LDLRAD4: variants seen among roughly 807,000 people sequenced by gnomAD.
LDLRAD4 encodes low density lipoprotein receptor class A domain containing 4.
LDLRAD4 carries 5 observed loss-of-function variants against 17.0 expected under a neutral mutation model. That is an observed-to-expected ratio of 0.29 (90% CI 0.15 to 0.62). The LOEUF (loss-of-function observed/expected upper bound fraction) is 0.62, where lower values mean the gene tolerates loss of function less well. LDLRAD4 is among the 20% of genes least tolerant of loss of function. LDLRAD4 has a pLI of 0.84. For synonymous variants in LDLRAD4, 168 were observed against 171.8 expected (o/e 0.98, Z 0.17); for missense variants, 340 against 424.7 (o/e 0.80, Z 1.75).
intron 3 of LDLRAD4, among the ~76,000 whole-genome samples, chr18:13,451,054 T>C (rs978149337): frequency 6.6e-6 from 1 of 152,134 alleles, no homozygotes; most frequent in Non-Finnish European, 1.5e-5. Flanking sequence ...CGGAAGGTCC[T>C]TAGAGATGGC....
intron 2 of LDLRAD4, among the ~76,000 whole-genome samples, chr18:13,424,631 C>T (rs1165033605): frequency 6.6e-6 from 1 of 152,106 alleles, no homozygotes; most frequent in African/African-American, 2.4e-5. Context: ...TACTCAGTTC[C>T]TGGATGGGGA....
At chr18:13,510,356 G>A (rs1411312082) in intron 3 of LDLRAD4, among the ~76,000 whole-genome samples, 1 of 152,030 alleles carries the variant, frequency 6.6e-6, no homozygotes, top group African/African-American at 2.4e-5. Context: ...AGCCTCCTGG[G>A]GCCTCAGTTT....
chr18:13,343,830 C>T (rs1473820317), intron 1 of LDLRAD4, among the ~76,000 whole-genome samples: 1 of 152,160 alleles, frequency 6.6e-6, no homozygotes, highest in Non-Finnish European at 1.5e-5. Context: ...TCTCTGATGG[C>T]CAGTGATGAT....
intron 1 of LDLRAD4, among the ~76,000 whole-genome samples, chr18:13,242,967 C>T (rs2042739664): frequency 6.6e-6 from 1 of 152,168 alleles, no homozygotes; most frequent in Non-Finnish European, 1.5e-5. Flanking sequence ...GCTGGGTGCT[C>T]TTCTCCCTGC....
intron 1 of LDLRAD4, among the ~76,000 whole-genome samples, chr18:13,287,950 G>A (rs1053697295): frequency 2.0e-5 from 3 of 152,192 alleles, no homozygotes; most frequent in Admixed American, 1.3e-4. Flanking sequence ...TTAGTAATTT[G>A]GGTGTTTAGG....
At chr18:13,470,091 C>A (rs548297055) in intron 3 of LDLRAD4, among the ~76,000 whole-genome samples, 43 of 152,168 alleles carry the variant, frequency 2.8e-4, no homozygotes, top group Non-Finnish European at 5.4e-4. Flanking sequence ...GTCTGTGGAT[C>A]AGAAATGATG....
chr18:13,611,942 G>C (rs942496674), intron 3 of LDLRAD4: 4 of 985,330 alleles, frequency 4.1e-6, no homozygotes, highest in Non-Finnish European at 4.8e-6. Flanking sequence ...CCGCAGCCTG[G>C]CTCGCAGCCT....
intron 1 of LDLRAD4, among the ~76,000 whole-genome samples, chr18:13,332,553 C>T (rs1330799444): frequency 6.6e-6 from 1 of 152,176 alleles, no homozygotes. Context: ...CTGTGCCTCA[C>T]CTGTTCATCT....
At chr18:13,248,034 C>T (rs62097308) in intron 1 of LDLRAD4, among the ~76,000 whole-genome samples, 18 of 148,634 alleles carry the variant, frequency 1.2e-4, no homozygotes, top group African/African-American at 4.3e-4. Context: ...GATCTTGGCT[C>T]ACTGCAACCT....
chr18:13,509,457 C>G (rs998300262), intron 3 of LDLRAD4, among the ~76,000 whole-genome samples: 1 of 152,120 alleles, frequency 6.6e-6, no homozygotes, highest in Non-Finnish European at 1.5e-5. Flanking sequence ...AGAAGTGGAG[C>G]CTGAAGATGT....
intron 3 of LDLRAD4, chr18:13,615,086 G>A (rs183227690): frequency 6.6e-6 from 1 of 152,532 alleles, no homozygotes; most frequent in African/African-American, 2.4e-5. Flanking sequence ...CAGCACGTAG[G>A]GGAGTGAGGT....
At chr18:13,605,456 A>G (rs928081858) in intron 3 of LDLRAD4, among the ~76,000 whole-genome samples, 6 of 152,224 alleles carry the variant, frequency 3.9e-5, no homozygotes, top group African/African-American at 1.4e-4. Flanking sequence ...GGCCTCAAGC[A>G]GTCCTCCTAT....
At chr18:13,623,861 C>T (rs962869333) in intron 4 of LDLRAD4, among the ~76,000 whole-genome samples, 1 of 152,172 alleles carries the variant, frequency 6.6e-6, no homozygotes, top group Non-Finnish European at 1.5e-5. Flanking sequence ...CTCCTAATTC[C>T]CTACTTCTAA....
intron 3 of LDLRAD4, among the ~76,000 whole-genome samples, chr18:13,554,928 G>A (rs564528977): frequency 2.2e-4 from 34 of 152,236 alleles, no homozygotes; most frequent in African/African-American, 7.7e-4. Flanking sequence ...AGGTGATCAC[G>A]CCAACACTGA....
At chr18:13,290,362 C>T (rs1448672623) in intron 1 of LDLRAD4, among the ~76,000 whole-genome samples, 2 of 152,170 alleles carry the variant, frequency 1.3e-5, no homozygotes, top group East Asian at 1.9e-4. Flanking sequence ...GTCCATTAAT[C>T]GTTGTTTATA....
At chr18:13,281,759 C>T (rs2045292162) in intron 1 of LDLRAD4, among the ~76,000 whole-genome samples, 1 of 152,136 alleles carries the variant, frequency 6.6e-6, no homozygotes. Context: ...CTCTGTGTCT[C>T]CCATGTCTCC....
intron 2 of LDLRAD4, among the ~76,000 whole-genome samples, chr18:13,412,672 G>A (rs2088490147): frequency 6.6e-6 from 1 of 152,154 alleles, no homozygotes; most frequent in Admixed American, 6.6e-5. Context: ...ACGGTGGTGA[G>A]AAAAGGATTT....
chr18:13,567,136 G>A (rs1383595691), intron 3 of LDLRAD4, among the ~76,000 whole-genome samples: 1 of 152,140 alleles, frequency 6.6e-6, no homozygotes, highest in African/African-American at 2.4e-5. Flanking sequence ...GGTTTGCCTT[G>A]GTCAATATTA....
chr18:13,614,482 C>A (rs539704168), intron 3 of LDLRAD4: 2 of 152,212 alleles, frequency 1.3e-5, no homozygotes, highest in East Asian at 1.9e-4. Flanking sequence ...AGTAGCCAAC[C>A]CACCTCCAAG....
Sources: gnomAD v4.1 joint callset for allele counts (sites outside exome capture counted in the v4.1 genomes callset) on GRCh38, gnomAD v4.1.1 for gene constraint, MANE v1.5 for transcripts, NCBI Gene and HGNC (gene_info 2026-07-23, HGNC 2026-07-21) for gene names.